The following HSPA12A variants were observed in gnomAD, a reference collection of about 807,000 sequenced individuals.
HSPA12A encodes heat shock 70 kDa protein 12A.
In HSPA12A, 28 loss-of-function variants were observed where a neutral mutation model predicts 69.2. The ratio of observed to expected loss-of-function variants is 0.40; its 90% CI spans 0.30 to 0.55. The LOEUF is 0.55. HSPA12A is among the 20% of genes least tolerant of loss of function. The pLI is 0.38. For synonymous variants in HSPA12A, 345 were observed against 370.5 expected, an observed-to-expected ratio of 0.93 and a Z score of 0.79; for missense variants, 686 against 900.7, an observed-to-expected ratio of 0.76 and a Z score of 3.05.
At chr10:116,805,663 T>A (rs1452145659) in intron 2 of HSPA12A, among the ~76,000 whole-genome samples, 2 of 152,168 alleles carry the variant, frequency 1.3e-5, no homozygotes, top group Non-Finnish European at 2.9e-5. Flanking sequence ...TTTGCCACCA[T>A]GCTACTGAAA....
intron 2 of HSPA12A, among the ~76,000 whole-genome samples, chr10:116,799,901 AACAG>A (rs200458804): frequency 0.041 from 6,253 of 152,318 alleles, 191 homozygotes; most frequent in Non-Finnish European, 0.054. Context: ...CAGTGAACAG[AACAG>A]ACAAAAACCT....
chr10:116,795,875 G>A (rs957285481), intron 2 of HSPA12A, among the ~76,000 whole-genome samples: 4 of 151,118 alleles, frequency 2.6e-5, no homozygotes, highest in South Asian at 2.1e-4. Context: ...GGCCGGGCGC[G>A]GTGGCTCATG....
At chr10:116,717,789 C>T (rs1230180795) in intron 1 of HSPA12A, among the ~76,000 whole-genome samples, 1 of 152,154 alleles carries the variant, frequency 6.6e-6, no homozygotes, top group Non-Finnish European at 1.5e-5. Flanking sequence ...ATTTCCTTTA[C>T]GTTTTGCTTC....
At chr10:116,715,736 C>T (rs559723187) in intron 1 of HSPA12A, among the ~76,000 whole-genome samples, 8 of 152,310 alleles carry the variant, frequency 5.3e-5, no homozygotes, top group South Asian at 2.1e-4. Context: ...GTTTTTCTTC[C>T]GCTGTCCATC....
At chr10:116,749,419 A>G (rs1266263667) in intron 2 of HSPA12A, among the ~76,000 whole-genome samples, 1 of 152,206 alleles carries the variant, frequency 6.6e-6, no homozygotes, top group Non-Finnish European at 1.5e-5. Flanking sequence ...CCCATTTTAC[A>G]GGTAAGGAAA....
chr10:116,810,135 T>A (rs1222035219), intron 2 of HSPA12A, among the ~76,000 whole-genome samples: 1 of 152,036 alleles, frequency 6.6e-6, no homozygotes, highest in Non-Finnish European at 1.5e-5. Context: ...CGCAAGGTGT[T>A]TCTTCTTTTG....
chr10:116,797,698 C>T (rs901917102), intron 2 of HSPA12A, among the ~76,000 whole-genome samples: 1 of 152,212 alleles, frequency 6.6e-6, no homozygotes, highest in East Asian at 1.9e-4. Flanking sequence ...AAGCCCTCAA[C>T]AGGGTGGAAG....
At chr10:116,690,187 T>C (rs999520882) in intron 6 of HSPA12A, among the ~76,000 whole-genome samples, 1 of 152,186 alleles carries the variant, frequency 6.6e-6, no homozygotes, top group East Asian at 1.9e-4. Context: ...GAAGACAGGC[T>C]AAAGAGACTA....
chr10:116,775,799 G>A (rs1844323177), intron 2 of HSPA12A, among the ~76,000 whole-genome samples: 1 of 152,126 alleles, frequency 6.6e-6, no homozygotes, highest in Admixed American at 6.5e-5. Context: ...CAGTGACCTG[G>A]CCTAATCCTG....
intron 2 of HSPA12A, among the ~76,000 whole-genome samples, chr10:116,800,339 TCA>T (rs1844927653): frequency 7.0e-6 from 1 of 143,518 alleles, no homozygotes; most frequent in East Asian, 2.0e-4. Context: ...ATGGGGAAGC[TCA>T]CAGAGGCTTG....
chr10:116,725,904 T>C (rs7922859), intron 1 of HSPA12A, among the ~76,000 whole-genome samples: 42,512 of 151,858 alleles, frequency 0.28, 6,457 homozygotes, highest in African/African-American at 0.36. Flanking sequence ...CATGCTTGCG[T>C]GCTATCTTAA....
At chr10:116,817,852 C>T (rs1229436679) in intron 2 of HSPA12A, among the ~76,000 whole-genome samples, 2 of 152,162 alleles carry the variant, frequency 1.3e-5, no homozygotes, top group Non-Finnish European at 2.9e-5. Flanking sequence ...CACTGCTTTC[C>T]GTCCGGATGC....
chr10:116,690,979 T>C (rs117162998), intron 6 of HSPA12A, among the ~76,000 whole-genome samples: 1,543 of 152,312 alleles, frequency 0.01, 6 homozygotes, highest in Non-Finnish European at 0.017. Context: ...CGATGCCCCA[T>C]TTCTGGGCCC....
chr10:116,706,361 A>G (rs932507473), intron 2 of HSPA12A, among the ~76,000 whole-genome samples: 7 of 152,056 alleles, frequency 4.6e-5, no homozygotes, highest in Non-Finnish European at 1.0e-4. Flanking sequence ...GGACAACTTC[A>G]GGGTGCAAAG....
chr10:116,771,113 G>C (rs748650468), intron 2 of HSPA12A, among the ~76,000 whole-genome samples: 3 of 152,166 alleles, frequency 2.0e-5, no homozygotes, highest in African/African-American at 7.2e-5. Context: ...TCCCGAGTCT[G>C]TAGATGGAGA....
chr10:116,849,737 G>T, exon 1 of HSPA12A: 1 of 1,504,468 alleles, frequency 6.6e-7, no homozygotes, highest in South Asian at 1.3e-5. Context: ...ACCTGGTAGG[G>T]ACCTGGGACA....
intron 2 of HSPA12A, among the ~76,000 whole-genome samples, chr10:116,828,578 C>T (rs1055644712): frequency 3.3e-5 from 5 of 152,192 alleles, no homozygotes; most frequent in African/African-American, 7.2e-5. Context: ...TGCAGAACCC[C>T]AAAGGGAGGA....
chr10:116,698,460 C>A, intron 5 of HSPA12A, 175 bp downstream of exon 5: 1 of 468,930 alleles, frequency 2.1e-6, no homozygotes, highest in Non-Finnish European at 3.8e-6. Flanking sequence ...CACCATTTTA[C>A]TTTCCCACCA....
chr10:116,805,895 C>T (rs1845058085), intron 2 of HSPA12A, among the ~76,000 whole-genome samples: 1 of 152,230 alleles, frequency 6.6e-6, no homozygotes, highest in South Asian at 2.1e-4. Flanking sequence ...TCAAGAATCA[C>T]CTGGCTGGAA....
Sources: allele counts gnomAD v4.1 joint callset (sites outside exome capture counted in the v4.1 genomes callset), GRCh38; gene constraint gnomAD v4.1.1; transcripts MANE v1.5; gene names NCBI Gene and HGNC (gene_info 2026-07-23, HGNC 2026-07-21).